ROBO2: variants seen among roughly 807,000 people sequenced by gnomAD.
ROBO2 encodes roundabout guidance receptor 2.
Under a neutral mutation model 160.8 loss-of-function variants are expected in ROBO2, and 53 were observed. The ratio of observed to expected loss-of-function variants is 0.33; its 90% CI spans 0.26 to 0.41. The LOEUF (loss-of-function observed/expected upper bound fraction) is 0.41, where lower values mean the gene tolerates loss of function less well. Among genes scored for constraint, ROBO2 ranks in the 10% least tolerant of loss-of-function variants. The pLI is 1.00. For synonymous variants in ROBO2, 664 were observed against 611.7 expected (o/e 1.09, Z -1.26); for missense variants, 1,577 against 1,722.4 (o/e 0.92, Z 1.49).
chr3:77,489,729 A>G (rs972948056), intron 4 of ROBO2, among the ~76,000 whole-genome samples: 3 of 152,232 alleles, frequency 2.0e-5, no homozygotes, highest in African/African-American at 7.2e-5. Context: ...CTGGTCTCAC[A>G]TATTGTTTTT....
intron 2 of ROBO2, among the ~76,000 whole-genome samples, chr3:76,941,163 A>AT (rs59004799): frequency 0.041 from 6,261 of 151,726 alleles, 408 homozygotes; most frequent in African/African-American, 0.14. Context: ...AAATGATTGC[A>AT]TTTTTTTTGA....
At chr3:76,573,935 T>C (rs572535032) in intron 2 of ROBO2, among the ~76,000 whole-genome samples, 2 of 152,132 alleles carry the variant, frequency 1.3e-5, no homozygotes, top group African/African-American at 2.4e-5. Context: ...GAAGTCTTAC[T>C]AATTCTGCAA....
At chr3:76,863,129 T>G (rs2070979884) in intron 2 of ROBO2, among the ~76,000 whole-genome samples, 1 of 152,124 alleles carries the variant, frequency 6.6e-6, no homozygotes. Flanking sequence ...CCTCATTACA[T>G]AGCCTTACCT....
rs541915265 is a variant in ROBO2 at position 76,168,685 on chromosome 3, C to A, written c.109+231083C>A. On this transcript the variant is annotated intron_variant, in intron 2 of 26. Transcript: ENST00000487694. ...TAAACAACACCCTTCAAGATTAACA[C>A]AAGCATCTTAACTAAAAACGTAGTA... Among the ~76,000 whole-genome samples the A allele has an allele frequency of 2.0e-5, 3 of 152,170 alleles. No homozygotes were observed. In the South Asian group the frequency reaches 6.2e-4, roughly 32 times the overall value.
chr3:77,122,157 T>C (rs1036736713), intron 2 of ROBO2, among the ~76,000 whole-genome samples: 5 of 152,238 alleles, frequency 3.3e-5, no homozygotes, highest in Admixed American at 2.0e-4. Context: ...GTTCAGGATC[T>C]TGATTTACTG....
At position 77,544,103 on chromosome 3, in the gene ROBO2, C is replaced by T. The variant is rs1285933824; in HGVS notation, c.935-2235C>T. On this transcript the variant is annotated intron_variant, in intron 6 of 25. Transcript: ENST00000461745. Reference sequence around the variant, plus strand: ...AAGATTGCAGATGACGGAAACAAACCTTAAGTGTTTTTTTTTTTTTTTGGC... The same window carrying T: ...AAGATTGCAGATGACGGAAACAAACTTTAAGTGTTTTTTTTTTTTTTTGGC... Among the ~76,000 whole-genome samples the T allele has an allele frequency of 3.0e-5, 3 of 99,656 alleles. No individual in the cohort carries two copies. The East Asian group carries it at 8.1e-4, about 27-fold the overall frequency. The allele number at this position is 99,656 out of a possible 152,430, so 65.4% of individuals were successfully genotyped here. A position where few individuals can be genotyped will look rare whatever the true frequency, so the allele number is the denominator to read the frequency against.
At chr3:77,492,881 C>T (rs1021074300) in intron 4 of ROBO2, among the ~76,000 whole-genome samples, 1 of 151,982 alleles carries the variant, frequency 6.6e-6, no homozygotes, top group Non-Finnish European at 1.5e-5. Context: ...CACTTTGAAC[C>T]CTGATAATAG....
At chr3:76,509,281 A>G (rs2080957150) in intron 2 of ROBO2, among the ~76,000 whole-genome samples, 1 of 152,166 alleles carries the variant, frequency 6.6e-6, no homozygotes, top group African/African-American at 2.4e-5. Flanking sequence ...ATTCAATCAC[A>G]CCCATTCTGT....
At position 76,118,730 on chromosome 3, in the gene ROBO2, C is replaced by G. The variant is rs553637995; in HGVS notation, c.109+181128C>G. Among the ~76,000 whole-genome samples, 49 of 152,234 alleles carry G rather than the reference C, an allele frequency of 3.2e-4. No homozygotes were observed. The East Asian group carries it at 8.3e-3, about 26-fold the overall frequency. ...TTCCACATATAGACTGTATATGTTT[C>G]TGAAAAATGTGAATCTTTTCTAATC... On this transcript the variant is annotated intron_variant, in intron 2 of 26. Coordinates refer to the ROBO2 transcript ENST00000487694.
chr3:76,257,769 G>A (rs1706493729), intron 2 of ROBO2, among the ~76,000 whole-genome samples: 1 of 152,102 alleles, frequency 6.6e-6, no homozygotes, highest in African/African-American at 2.4e-5. Context: ...CTATTGTATA[G>A]TGTATTTCAT....
At chr3:77,045,129 G>T (rs2064513555) in intron 1 of ROBO2, among the ~76,000 whole-genome samples, 1 of 151,934 alleles carries the variant, frequency 6.6e-6, no homozygotes, top group Admixed American at 6.6e-5. Flanking sequence ...TCTTGTAAAA[G>T]AATTACTATA....
At chr3:77,410,843 T>C (rs13065816) in intron 2 of ROBO2, among the ~76,000 whole-genome samples, 101,825 of 147,728 alleles carry the variant, frequency 0.69, 36,137 homozygotes, top group African/African-American at 0.87. Context: ...CACTCTGTCA[T>C]CCCAGGCTGG....
intron 2 of ROBO2, among the ~76,000 whole-genome samples, chr3:76,508,052 G>A (rs2080885817): frequency 1.3e-5 from 2 of 152,076 alleles, no homozygotes; most frequent in African/African-American, 4.8e-5. Flanking sequence ...TAAAATACAT[G>A]TTTTTATGTA....
At chr3:76,833,543 TAAG>T (rs1302523869) in intron 2 of ROBO2, among the ~76,000 whole-genome samples, 1 of 152,212 alleles carries the variant, frequency 6.6e-6, no homozygotes, top group African/African-American at 2.4e-5. Context: ...ATTGGAGTTG[TAAG>T]AATACTTCTA....
intron 2 of ROBO2, among the ~76,000 whole-genome samples, chr3:76,301,389 T>G (rs1709349129): frequency 6.6e-6 from 1 of 151,974 alleles, no homozygotes; most frequent in Non-Finnish European, 1.5e-5. Context: ...AGAATAGGCT[T>G]TCAAAAAAAA....
At chr3:77,563,853 T>C (rs1041792223) in intron 11 of ROBO2, among the ~76,000 whole-genome samples, 1 of 152,162 alleles carries the variant, frequency 6.6e-6, no homozygotes, top group Non-Finnish European at 1.5e-5. Context: ...CATGTGCTTC[T>C]AGTTGCTTAA....
At chr3:77,272,488 G>A (rs959495088) in intron 2 of ROBO2, among the ~76,000 whole-genome samples, 14 of 151,956 alleles carry the variant, frequency 9.2e-5, no homozygotes, top group African/African-American at 2.9e-4. Flanking sequence ...ACAGCAAGGG[G>A]GAAATACGCC....
At chr3:77,480,557 A>C (rs2084567581) in intron 3 of ROBO2, among the ~76,000 whole-genome samples, 1 of 152,164 alleles carries the variant, frequency 6.6e-6, no homozygotes, top group Non-Finnish European at 1.5e-5. Flanking sequence ...ATTATCTCTT[A>C]AATACAATTA....
At chr3:76,141,222 A>T (rs1482320922) in intron 2 of ROBO2, among the ~76,000 whole-genome samples, 1 of 132,118 alleles carries the variant, frequency 7.6e-6, no homozygotes, top group Non-Finnish European at 1.6e-5. Context: ...AGACATTAAA[A>T]ATGACATTCT....
Sources: gnomAD v4.1 joint callset for allele counts (sites outside exome capture counted in the v4.1 genomes callset) on GRCh38, gnomAD v4.1.1 for gene constraint, MANE v1.5 for transcripts, NCBI Gene and HGNC (gene_info 2026-07-23, HGNC 2026-07-21) for gene names.